DNAAF11: variants seen among roughly 807,000 people sequenced by gnomAD.
DNAAF11 encodes the protein dynein axonemal assembly factor 11, also known as leucine rich repeat containing 6.
DNAAF11 carries 45 observed loss-of-function variants against 60.8 expected under a neutral mutation model. That is an observed-to-expected ratio of 0.74 (90% CI 0.58 to 0.95). The LOEUF is 0.95. Ranked by LOEUF, DNAAF11 falls within the 40% of genes least tolerant of loss-of-function variation. DNAAF11 has a pLI of 0.00. For missense variants in DNAAF11, 546 were observed against 546.2 expected (o/e 1.00, Z 0.00); for synonymous variants, 191 against 183.5 (o/e 1.04, Z -0.33).
intron 11 of DNAAF11, among the ~76,000 whole-genome samples, chr8:132,576,810 T>A (rs994869715): frequency 6.6e-6 from 1 of 152,016 alleles, no homozygotes; most frequent in African/African-American, 2.4e-5. Context: ...GTTCACAGTC[T>A]TATCTGGTGC....
At chr8:132,632,230 T>C (rs1820872867) in intron 5 of DNAAF11, among the ~76,000 whole-genome samples, 1 of 152,146 alleles carries the variant, frequency 6.6e-6, no homozygotes, top group Non-Finnish European at 1.5e-5. Context: ...ATCAACTGAC[T>C]ATAGTTGCAA....
intron 3 of DNAAF11, among the ~76,000 whole-genome samples, chr8:132,656,084 T>C (rs1415197932): frequency 6.6e-6 from 1 of 152,194 alleles, no homozygotes; most frequent in Non-Finnish European, 1.5e-5. Context: ...TATAGCAAAA[T>C]GCTGGAACGC....
chr8:132,637,933 A>G lies in DNAAF11; in HGVS notation c.429+2T>C, dbSNP rs1021866572. On this transcript the variant is annotated splice_donor_variant, in intron 4 of 11. Transcript: ENST00000620350. LOFTEE classifies it high-confidence loss of function. Reference sequence around the variant, plus strand: ...ATTTCTGCACCATTAAAAGAACCATACCTTTAATTGTGGAAGAGTTGCTAC... The same window carrying G: ...ATTTCTGCACCATTAAAAGAACCATGCCTTTAATTGTGGAAGAGTTGCTAC... 4 of 1,600,164 alleles carry G rather than the reference A, an allele frequency of 2.5e-6. No individual in the cohort carries two copies. The highest frequency in any genetic ancestry group is 3.4e-6 in the Non-Finnish European group (4 of 1,173,192).
At chr8:132,642,251 C>T (rs1017512506) in intron 3 of DNAAF11, among the ~76,000 whole-genome samples, 7 of 152,226 alleles carry the variant, frequency 4.6e-5, no homozygotes, top group Non-Finnish European at 8.8e-5. Context: ...CTCTTCCATA[C>T]ACATTATTTT....
intron 2 of DNAAF11, among the ~76,000 whole-genome samples, chr8:132,658,670 C>G (rs1263341621): frequency 6.6e-6 from 1 of 152,124 alleles, no homozygotes; most frequent in Non-Finnish European, 1.5e-5. Flanking sequence ...CGTCCACATC[C>G]TGAACAAAAT....
chr8:132,584,360 A>T (rs910214196), intron 10 of DNAAF11, among the ~76,000 whole-genome samples: 2 of 152,136 alleles, frequency 1.3e-5, no homozygotes, highest in Non-Finnish European at 2.9e-5. Context: ...TTCAACAAAC[A>T]TACTGCAAAA....
At chr8:132,658,254 A>G (rs1438801115) in intron 2 of DNAAF11, among the ~76,000 whole-genome samples, 4 of 152,234 alleles carry the variant, frequency 2.6e-5, no homozygotes, top group Admixed American at 2.0e-4. Flanking sequence ...AATTATTCTA[A>G]GTAATCCTAA....
At chr8:132,669,116 CCAACTTCCCCCT>C (rs1166956550) in intron 1 of DNAAF11, among the ~76,000 whole-genome samples, 2 of 152,144 alleles carry the variant, frequency 1.3e-5, no homozygotes, top group African/African-American at 4.8e-5. Flanking sequence ...ATATCACAGC[CCAACTTCCCCCT>C]CTGCTCAATT....
chr8:132,598,022 G>A (rs1202456099), intron 10 of DNAAF11, among the ~76,000 whole-genome samples: 4 of 152,154 alleles, frequency 2.6e-5, no homozygotes, highest in Non-Finnish European at 2.9e-5. Flanking sequence ...GGCTGTAGAT[G>A]AAAATTATGA....
rs1049397521 is a variant in DNAAF11 at position 132,667,749 on chromosome 8, A to C, written c.11-6122T>G. 3.3e-5 allele frequency among the ~76,000 whole-genome samples: 5 copies of C among 152,200 alleles called. No individual in the cohort carries two copies. In the East Asian group the frequency reaches 7.7e-4, roughly 23 times the overall value. The stretch of plus-strand genomic sequence containing the variant: ...GGGTTTAATCAAAACACATCAGCTC[A>C]CCTAAGTTTCTTTCCAATTCCTTAA... On this transcript the variant is annotated intron_variant, in intron 1 of 11. Coordinates refer to ENST00000620350, the MANE Select transcript of DNAAF11 (RefSeq NM_012472.6).
intron 1 of DNAAF11, among the ~76,000 whole-genome samples, chr8:132,668,453 CTTT>C (rs112141008): frequency 6.8e-6 from 1 of 147,688 alleles, no homozygotes; most frequent in Non-Finnish European, 1.5e-5. Context: ...TGAGCTGAAT[CTTT>C]TTTTTTTTCT....
chr8:132,644,800 TG>T (rs953569841), intron 3 of DNAAF11, among the ~76,000 whole-genome samples: 1 of 152,102 alleles, frequency 6.6e-6, no homozygotes, highest in African/African-American at 2.4e-5. Context: ...CGTCCACCAT[TG>T]CTGAGGCTTG....
chr8:132,646,135 C>G (rs1360121651), intron 3 of DNAAF11, among the ~76,000 whole-genome samples: 1 of 152,196 alleles, frequency 6.6e-6, no homozygotes, highest in East Asian at 1.9e-4. Context: ...AACAGCAGAT[C>G]TCTCAGTAGA....
At chr8:132,700,113 G>A in the DNAAF11 span, among the ~76,000 whole-genome samples, 1 of 152,128 alleles carries the variant, frequency 6.6e-6, no homozygotes, top group Non-Finnish European at 1.5e-5. Flanking sequence ...TATGCCATAT[G>A]AATTTCACCT....
chr8:132,700,511 C>A, the DNAAF11 span, among the ~76,000 whole-genome samples: 1 of 131,858 alleles, frequency 7.6e-6, no homozygotes. Flanking sequence ...AAAAGTAAGA[C>A]CCCCACCTCT....
chr8:132,615,573 T>C (rs1407164779), intron 7 of DNAAF11, among the ~76,000 whole-genome samples: 2 of 152,216 alleles, frequency 1.3e-5, no homozygotes, highest in African/African-American at 4.8e-5. Flanking sequence ...GACCTTTCCA[T>C]TGCCCTGAAA....
intron 1 of DNAAF11, among the ~76,000 whole-genome samples, chr8:132,669,455 A>G (rs1358097713): frequency 2.0e-5 from 3 of 152,252 alleles, no homozygotes; most frequent in Non-Finnish European, 4.4e-5. Flanking sequence ...TAAGTGTAAC[A>G]TGTCAGGTGT....
chr8:132,667,701 A>T (rs961985187), intron 1 of DNAAF11, among the ~76,000 whole-genome samples: 5 of 152,198 alleles, frequency 3.3e-5, no homozygotes, highest in African/African-American at 1.2e-4. Context: ...CCCCTCACTA[A>T]AAGATGCTGT....
At chr8:132,698,937 CAT>C in the DNAAF11 span, among the ~76,000 whole-genome samples, 19,862 of 142,806 alleles carry the variant, frequency 0.14, 1,486 homozygotes, top group East Asian at 0.25. Context: ...TATATGTATA[CAT>C]ATATATATAT....
Sources: gnomAD v4.1 joint callset for allele counts (sites outside exome capture counted in the v4.1 genomes callset) on GRCh38, gnomAD v4.1.1 for gene constraint, MANE v1.5 for transcripts, NCBI Gene and HGNC (gene_info 2026-07-23, HGNC 2026-07-21) for gene names.